Variants in ZNF507 observed in about 807,000 individuals in gnomAD.
ZNF507 encodes the protein zinc finger protein 507.
A neutral mutation model predicts 80.0 loss-of-function variants in ZNF507; 29 were observed. The observed-to-expected ratio is 0.36, with a 90% CI of 0.27 to 0.49. The LOEUF is 0.49. Among genes scored for constraint, ZNF507 ranks in the 20% least tolerant of loss-of-function variants. ZNF507 has a pLI of 0.98. For missense variants in ZNF507, 1,081 were observed against 1,152.2 expected (o/e 0.94, Z 0.90); for synonymous variants, 462 against 422.5 (o/e 1.09, Z -1.15).
chr19:32,382,442 T>C, intron 5 of ZNF507, 25 bp from the exon 6 acceptor site: 1 of 1,610,846 alleles, frequency 6.2e-7, no homozygotes, highest in Non-Finnish European at 8.5e-7. Flanking sequence ...CCGTTCTGAT[T>C]TTCCCTTGCC....
intron 5 of ZNF507, among the ~76,000 whole-genome samples, chr19:32,371,504 C>T (rs998438062): frequency 6.6e-6 from 1 of 150,538 alleles, no homozygotes; most frequent in African/African-American, 2.4e-5. Flanking sequence ...AATGACTGTG[C>T]CCGTCAGCCC....
At chr19:32,348,875 A>G (rs1327053969) in intron 2 of ZNF507, among the ~76,000 whole-genome samples, 3 of 152,188 alleles carry the variant, frequency 2.0e-5, no homozygotes, top group African/African-American at 7.2e-5. Context: ...TAGTCATGTC[A>G]TGGCTGCTTT....
At chr19:32,346,782 G>A (rs1456545296) in intron 1 of ZNF507, among the ~76,000 whole-genome samples, 1 of 152,192 alleles carries the variant, frequency 6.6e-6, no homozygotes, top group Non-Finnish European at 1.5e-5. Context: ...ACCAGAGTAG[G>A]AAACTGCGTT....
chr19:32,374,742 A>G (rs111691356), intron 5 of ZNF507, among the ~76,000 whole-genome samples: 1,963 of 152,198 alleles, frequency 0.013, 51 homozygotes, highest in African/African-American at 0.043. Context: ...TCAGCCTCCC[A>G]AAGTGCTAGG....
In ZNF507 at chr19:32,353,553, A is replaced by G; in HGVS notation, c.723A>G (p.Ala241=). 1 of 1,614,236 alleles carries G rather than the reference A, an allele frequency of 6.2e-7. No homozygotes were observed. The highest frequency in any genetic ancestry group is 8.5e-7 in the Non-Finnish European group (1 of 1,180,040). ...VAEMGRRKWY[A]YEQYGMYRCL... ...AAATGGGTAGGAGGAAATGGTATGC[A>G]TACGAACAGTACGGCATGTATCGAT... The change falls in exon 3 of 7, where the codon GCA becomes GCG. Residue 241 remains alanine (A), a synonymous_variant. Transcript: ENST00000355898.
intron 5 of ZNF507, among the ~76,000 whole-genome samples, chr19:32,367,107 G>A (rs1967409011): frequency 6.6e-6 from 1 of 152,174 alleles, no homozygotes; most frequent in African/African-American, 2.4e-5. Context: ...AGGGTCTCAG[G>A]AGGCTTCCAG....
At chr19:32,377,704 G>T (rs1006048245) in intron 5 of ZNF507, among the ~76,000 whole-genome samples, 4 of 152,154 alleles carry the variant, frequency 2.6e-5, no homozygotes, top group Admixed American at 6.5e-5. Flanking sequence ...CCATGCAAAA[G>T]AATTCCATGT....
At chr19:32,359,603 C>T (rs547880765) in intron 4 of ZNF507, 15 of 152,294 alleles carry the variant, frequency 9.8e-5, no homozygotes, top group African/African-American at 3.6e-4. Flanking sequence ...TCACTCAACT[C>T]GTGTTGACAT....
chr19:32,364,522 T>C (rs2145328610), intron 5 of ZNF507, among the ~76,000 whole-genome samples: 1 of 152,240 alleles, frequency 6.6e-6, no homozygotes, highest in South Asian at 2.1e-4. Context: ...AAAGCCATTT[T>C]ATCATTCTTA....
intron 5 of ZNF507, among the ~76,000 whole-genome samples, chr19:32,367,653 G>C (rs1681930361): frequency 1.3e-5 from 2 of 152,178 alleles, no homozygotes; most frequent in Admixed American, 1.3e-4. Flanking sequence ...ATAAAAATGT[G>C]TGCTGATTTT....
intron 5 of ZNF507, among the ~76,000 whole-genome samples, chr19:32,379,490 A>C (rs1967596124): frequency 6.6e-6 from 1 of 152,242 alleles, no homozygotes; most frequent in African/African-American, 2.4e-5. Flanking sequence ...AAAACATTGT[A>C]GATATAGCTA....
At position 32,382,753 on chromosome 19, in the gene ZNF507, G is replaced by C; in HGVS notation, c.2532G>C (p.Lys844Asn). 1 of 1,613,506 alleles carries C rather than the reference G, an allele frequency of 6.2e-7. No homozygotes were observed. Among genetic ancestry groups the C allele is most frequent in the Non-Finnish European group, 8.5e-7 (1 of 1,179,778 alleles). ...AATCCCCTGGAAAGACTCAATTAAA[G>C]AGCAGTGAAGAGAGTGCAGATCCCG... ...LGKSPGKTQL[K>N]SSEESADPVT... The change falls in exon 7 of 7, where the codon AAG becomes AAC. Residue 844 changes from lysine (K) to asparagine (N), a missense_variant. Transcript: ENST00000355898.
chr19:32,380,114 G>T (rs1277624550), intron 5 of ZNF507, among the ~76,000 whole-genome samples: 1 of 152,190 alleles, frequency 6.6e-6, no homozygotes, highest in Non-Finnish European at 1.5e-5. Flanking sequence ...TTGCCAGTCT[G>T]AGGGGTGTGA....
Position 32,354,494 on chromosome 19 carries a change from C to T in ZNF507, c.1664C>T (p.Thr555Ile). 3 of 1,614,198 alleles carry T rather than the reference C, an allele frequency of 1.9e-6. No homozygotes were observed. Among genetic ancestry groups the T allele is most frequent in the Non-Finnish European group, 1.7e-6 (2 of 1,180,030 alleles). Reference protein sequence around the residue: ...SPLKNSSDGLTSLNQSNSTLV... With the variant: ...SPLKNSSDGLISLNQSNSTLV... ...CTTAAAAACTCTTCAGATGGATTAA[C>T]TAGTCTTAACCAAAGCAACTCCACC... is the stretch of plus-strand genomic sequence containing the variant. Residue 555 changes from threonine to isoleucine, a missense_variant, in exon 3 of 7, where the codon ACT becomes ATT. By Grantham distance (89) the Thr-to-Ile change is moderately conservative. Coordinates refer to ENST00000355898, the MANE Select transcript of ZNF507 (RefSeq NM_001136156.2).
intron 5 of ZNF507, among the ~76,000 whole-genome samples, chr19:32,361,856 C>T (rs1967332466): frequency 7.0e-6 from 1 of 142,280 alleles, no homozygotes; most frequent in South Asian, 2.3e-4. Flanking sequence ...CCTTTCCTTC[C>T]TTCCTTTCCT....
chr19:32,355,928 G>A (rs1967245164), intron 3 of ZNF507, among the ~76,000 whole-genome samples: 1 of 152,094 alleles, frequency 6.6e-6, no homozygotes, highest in African/African-American at 2.4e-5. Flanking sequence ...GAACCTGGGA[G>A]GCGGAGCTTG....
intron 5 of ZNF507, among the ~76,000 whole-genome samples, chr19:32,381,660 A>G (rs1967624913): frequency 6.6e-6 from 1 of 152,164 alleles, no homozygotes; most frequent in Non-Finnish European, 1.5e-5. Context: ...TGTACAACAC[A>G]AATAGTGGAC....
intron 4 of ZNF507, chr19:32,357,862 C>T (rs946798853): frequency 3.3e-5 from 5 of 152,186 alleles, no homozygotes; most frequent in African/African-American, 1.2e-4. Context: ...TACTCAGTAG[C>T]ACCACCTGCA....
Position 32,353,720 on chromosome 19 carries a change from C to T in ZNF507, c.890C>T (p.Ala297Val). ...PLGLLDSSAA[A>V]APGGVDAVVI... Reference sequence around the variant, plus strand: ...GGCCTGCTGGATTCTTCAGCAGCTGCTGCGCCTGGTGGGGTCGATGCAGTC... The same window carrying T: ...GGCCTGCTGGATTCTTCAGCAGCTGTTGCGCCTGGTGGGGTCGATGCAGTC... Residue 297 changes from alanine to valine, a missense_variant, in exon 3 of 7, where the codon GCT (alanine) becomes GTT (valine). This residue lies in a region of ZNF507 where 614 missense variants were observed against 583.9 expected (regional missense o/e 1.05). Transcript: ENST00000355898. 6.2e-7 allele frequency: 1 copy of T among 1,614,214 alleles called. No individual in the cohort carries two copies. Among genetic ancestry groups the T allele is most frequent in the Non-Finnish European group, 8.5e-7 (1 of 1,180,050 alleles).
Sources: allele counts gnomAD v4.1 joint callset (sites outside exome capture counted in the v4.1 genomes callset), GRCh38; gene constraint gnomAD v4.1.1; regional missense constraint gnomAD v4.1.1; transcripts MANE v1.5; gene names NCBI Gene and HGNC (gene_info 2026-07-23, HGNC 2026-07-21).